The following TMEM178A variants were observed in gnomAD, a reference collection of about 807,000 sequenced individuals.
TMEM178A encodes the protein transmembrane protein 178A, also known as transmembrane protein 178.
In TMEM178A, 12 loss-of-function variants were observed where a neutral mutation model predicts 29.1. That is an observed-to-expected ratio of 0.41 (90% CI 0.26 to 0.67). The LOEUF (loss-of-function observed/expected upper bound fraction) is 0.67, where lower values mean the gene tolerates loss of function less well. TMEM178A is among the 30% of genes least tolerant of loss of function. The pLI is 0.29. For missense variants in TMEM178A, 366 were observed against 419.1 expected, an observed-to-expected ratio of 0.87 and a Z score of 1.11; for synonymous variants, 210 against 187.2, an observed-to-expected ratio of 1.12 and a Z score of -0.99.
downstream of TMEM178A, among the ~76,000 whole-genome samples, chr2:39,721,838 A>T (rs1335466081): frequency 3.9e-5 from 6 of 152,126 alleles, no homozygotes; most frequent in African/African-American, 1.4e-4. Flanking sequence ...AAACATTTTT[A>T]AAATTAGCCA....
At chr2:39,709,593 C>A (rs1487562924) in intron 3 of TMEM178A, among the ~76,000 whole-genome samples, 2 of 152,198 alleles carry the variant, frequency 1.3e-5, no homozygotes, top group Non-Finnish European at 1.5e-5. Context: ...GAGAGGACTG[C>A]ACTGCACAGA....
chr2:39,730,420 C>T, the TMEM178A span, among the ~76,000 whole-genome samples: 1 of 152,080 alleles, frequency 6.6e-6, no homozygotes, highest in Non-Finnish European at 1.5e-5. Flanking sequence ...ATCATGTGTC[C>T]CCAAGATCAC....
At chr2:39,679,248 C>T (rs545673027) in intron 1 of TMEM178A, among the ~76,000 whole-genome samples, 2 of 152,170 alleles carry the variant, frequency 1.3e-5, no homozygotes, top group Non-Finnish European at 2.9e-5. Flanking sequence ...ATTCAAATCA[C>T]GGTCATATCT....
At chr2:39,695,401 A>T (rs1671494052) in intron 1 of TMEM178A, among the ~76,000 whole-genome samples, 1 of 150,426 alleles carries the variant, frequency 6.6e-6, no homozygotes, top group South Asian at 2.2e-4. Context: ...TGGGACATTA[A>T]TGAAGAGGCA....
chr2:39,694,303 C>T (rs930388162), intron 1 of TMEM178A, among the ~76,000 whole-genome samples: 4 of 152,024 alleles, frequency 2.6e-5, no homozygotes, highest in Admixed American at 1.3e-4. Context: ...GCCAAGGGCT[C>T]ACAGATAGTG....
chr2:39,701,014 C>G (rs761011688), intron 1 of TMEM178A, among the ~76,000 whole-genome samples: 44 of 152,020 alleles, frequency 2.9e-4, no homozygotes, highest in South Asian at 2.1e-4. Context: ...TGTTTATACA[C>G]TGTATGCTGA....
the TMEM178A span, among the ~76,000 whole-genome samples, chr2:39,729,490 G>C: frequency 5.1e-3 from 770 of 152,310 alleles, 7 homozygotes; most frequent in African/African-American, 0.017. Context: ...TCACCACTTT[G>C]ATGTACCCTT....
chr2:39,715,380 A>T (rs1672491735), intron 3 of TMEM178A, among the ~76,000 whole-genome samples: 1 of 152,222 alleles, frequency 6.6e-6, no homozygotes, highest in Non-Finnish European at 1.5e-5. Flanking sequence ...TGTTATATAT[A>T]AAAACTGCCT....
chr2:39,684,807 T>C (rs1043166850), intron 1 of TMEM178A, among the ~76,000 whole-genome samples: 38 of 152,054 alleles, frequency 2.5e-4, no homozygotes, highest in African/African-American at 8.2e-4. Context: ...CTCCTGTCAG[T>C]TCCTATAAAC....
chr2:39,693,893 A>G lies in TMEM178A; in HGVS notation c.401-10188A>G, dbSNP rs540688801. On this transcript the variant is annotated intron_variant, in intron 1 of 3. Transcript: ENST00000281961. ...AGCAAGCCAGTGGTCAGCCTAACCC[A>G]ATGACAGATTCCACTGTTGCACAAG... is the stretch of plus-strand genomic sequence containing the variant. 2.0e-5 allele frequency among the ~76,000 whole-genome samples: 3 copies of G among 152,072 alleles called. No individual in the cohort carries two copies. The South Asian group carries it at 6.2e-4, about 32-fold the overall frequency.
At chr2:39,681,869 T>C (rs10490331) in intron 1 of TMEM178A, among the ~76,000 whole-genome samples, 2,942 of 152,270 alleles carry the variant, frequency 0.019, 75 homozygotes, top group African/African-American at 0.052. Context: ...GAGAATAACA[T>C]TGGAACTGCT....
chr2:39,670,963 T>A (rs941284368), intron 1 of TMEM178A, among the ~76,000 whole-genome samples: 1 of 152,156 alleles, frequency 6.6e-6, no homozygotes, highest in Non-Finnish European at 1.5e-5. Context: ...AATTAATGTG[T>A]TTTGTTTTTA....
At chr2:39,710,152 A>C (rs1672242741) in intron 3 of TMEM178A, among the ~76,000 whole-genome samples, 1 of 152,202 alleles carries the variant, frequency 6.6e-6, no homozygotes, top group Admixed American at 6.5e-5. Flanking sequence ...GCTCCTGTGT[A>C]ATTGTTAGGC....
chr2:39,721,204 A>C (rs555193292), downstream of TMEM178A, among the ~76,000 whole-genome samples: 3 of 152,226 alleles, frequency 2.0e-5, no homozygotes, highest in Non-Finnish European at 4.4e-5. Context: ...GGACAACCAC[A>C]AATGCTTGAA....
intron 1 of TMEM178A, among the ~76,000 whole-genome samples, chr2:39,687,657 G>A (rs1671140359): frequency 6.6e-6 from 1 of 152,198 alleles, no homozygotes; most frequent in South Asian, 2.1e-4. Context: ...CTTGATATAG[G>A]GATTTCCTTG....
upstream of TMEM178A, chr2:39,665,714 G>A (rs13384364): frequency 9.6e-6 from 3 of 314,022 alleles, no homozygotes; most frequent in Admixed American, 5.6e-5. Context: ...GGAAGAGGAG[G>A]GGGGCAAGAA....
rs192711826 is a variant in TMEM178A at position 39,703,735 on chromosome 2, C to A, written c.401-346C>A. On this transcript the variant is annotated intron_variant, in intron 1 of 3. Transcript: ENST00000281961. ...TTGAGAGTTTGAGACTGGATCAGATCCAGATGTGTGATTTATCTGTGCTAA... is the reference window on the plus strand; with the variant it reads ...TTGAGAGTTTGAGACTGGATCAGATACAGATGTGTGATTTATCTGTGCTAA... 3.4e-3 allele frequency among the ~76,000 whole-genome samples: 523 copies of A among 152,266 alleles called. 5 individuals carry two copies. The highest frequency in any genetic ancestry group is 0.026 in the South Asian group (123 of 4,820).
downstream of TMEM178A, among the ~76,000 whole-genome samples, chr2:39,720,279 C>T (rs1156433771): frequency 6.6e-6 from 1 of 152,108 alleles, no homozygotes; most frequent in Non-Finnish European, 1.5e-5. Flanking sequence ...CTGAGAATGA[C>T]AAAAGTGTGC....
At chr2:39,723,659 C>G in the TMEM178A span, among the ~76,000 whole-genome samples, 3 of 152,138 alleles carry the variant, frequency 2.0e-5, no homozygotes, top group Non-Finnish European at 4.4e-5. Context: ...AGGCTGTGTC[C>G]TTTATAAACC....
Sources: gnomAD v4.1 joint callset for allele counts (sites outside exome capture counted in the v4.1 genomes callset) on GRCh38, gnomAD v4.1.1 for gene constraint, MANE v1.5 for transcripts, NCBI Gene and HGNC (gene_info 2026-07-23, HGNC 2026-07-21) for gene names.